The following PHF21A variants were observed in gnomAD, a reference collection of about 807,000 sequenced individuals.
The protein encoded by PHF21A is BHC80a.
A neutral mutation model predicts 82.5 loss-of-function variants in PHF21A; 11 were observed. The ratio of observed to expected loss-of-function variants is 0.13; its 90% CI spans 0.08 to 0.22. PHF21A has a LOEUF of 0.22. PHF21A is among the 10% of genes least tolerant of loss of function. PHF21A has a pLI of 1.00. For missense variants in PHF21A, 579 were observed against 837.8 expected, an observed-to-expected ratio of 0.69 and a Z score of 3.81; for synonymous variants, 297 against 302.8, an observed-to-expected ratio of 0.98 and a Z score of 0.20.
chr11:46,108,575 A>C (rs1196093395), intron 1 of PHF21A, among the ~76,000 whole-genome samples: 2 of 137,082 alleles, frequency 1.5e-5, no homozygotes, highest in Non-Finnish European at 3.3e-5. Context: ...GTGTATATAT[A>C]TATATATATA....
chr11:46,050,880 CAG>C (rs1368608699), intron 6 of PHF21A, among the ~76,000 whole-genome samples: 2 of 152,142 alleles, frequency 1.3e-5, no homozygotes, highest in Non-Finnish European at 2.9e-5. Flanking sequence ...TACTATTTGC[CAG>C]AGAGGCAGCT....
At chr11:46,019,759 T>C (rs2095593763) in intron 6 of PHF21A, among the ~76,000 whole-genome samples, 1 of 152,204 alleles carries the variant, frequency 6.6e-6, no homozygotes, top group Admixed American at 6.5e-5. Context: ...GCTTGACAGT[T>C]AAACAGTAGC....
intron 14 of PHF21A, among the ~76,000 whole-genome samples, chr11:45,946,498 C>T (rs1347243601): frequency 6.6e-6 from 1 of 152,172 alleles, no homozygotes; most frequent in African/African-American, 2.4e-5. Context: ...ATTCTCCTGC[C>T]TCAGCCTCCC....
intron 6 of PHF21A, among the ~76,000 whole-genome samples, chr11:46,062,157 C>T (rs996623791): frequency 2.0e-5 from 3 of 151,946 alleles, no homozygotes; most frequent in East Asian, 1.9e-4. Context: ...AGTTTCACCA[C>T]GTTGTGCCTT....
rs138906772 is a variant in PHF21A, at chr11:45,935,842, A to C, written c.1685-103T>G. On this transcript the variant is annotated intron_variant, in intron 17 of 18. Coordinates refer to ENST00000676320, the MANE Select transcript of PHF21A (RefSeq NM_001352027.3). ...CTGCCAAAGAAGGTATTTTCCCCAGAGCTCCCATGAGTCCTACAACCCAGT... is the reference window on the plus strand; with the variant it reads ...CTGCCAAAGAAGGTATTTTCCCCAGCGCTCCCATGAGTCCTACAACCCAGT... 1.5e-5 allele frequency: 10 copies of C among 656,760 alleles called. No homozygotes were observed. The East Asian group carries it at 2.2e-4, about 14-fold the overall frequency. 40.7% of individuals were successfully genotyped at this position (656,760 alleles called of 1,614,324 possible). A position where few individuals can be genotyped will look rare whatever the true frequency, so the allele number is the denominator to read the frequency against.
At chr11:45,975,440 T>A (rs1252635476) in intron 7 of PHF21A, among the ~76,000 whole-genome samples, 1 of 151,934 alleles carries the variant, frequency 6.6e-6, no homozygotes, top group African/African-American at 2.4e-5. Flanking sequence ...TTTAAGGGAT[T>A]ATTACTATGG....
chr11:45,949,721 C>T (rs1242048593), intron 12 of PHF21A, among the ~76,000 whole-genome samples: 1 of 152,216 alleles, frequency 6.6e-6, no homozygotes, highest in Non-Finnish European at 1.5e-5. Context: ...TAACAATAGA[C>T]AACACTTGTA....
chr11:46,026,593 T>C (rs1051207801), intron 6 of PHF21A, among the ~76,000 whole-genome samples: 6 of 152,074 alleles, frequency 3.9e-5, no homozygotes, highest in African/African-American at 9.7e-5. Flanking sequence ...TGTTTCCATA[T>C]TGAATGGCTG....
At chr11:46,090,365 G>T (rs1214279446) in intron 3 of PHF21A, 90 bp downstream of exon 3, 1 of 152,132 alleles carries the variant, frequency 6.6e-6, no homozygotes, top group African/African-American at 2.4e-5. Context: ...ATACTTAATA[G>T]AAGTGGAAGT....
chr11:45,934,035 G>A lies in PHF21A; in HGVS notation c.1979C>T (p.Thr660Met), dbSNP rs148557580. 7.3e-5 allele frequency: 117 copies of A among 1,612,942 alleles called. 1 individual carries two copies. Among genetic ancestry groups the A allele is most frequent in the East Asian group, 1.1e-4 (5 of 44,870 alleles). ...CTGGGAGGAGGGGGAAGGGGCCGGC[G>A]TGGAGGTGGCGGCATTGGCAGGGGG... ...CTPPANAATS[T>M]PAPSPSSQSC... Residue 660 changes from threonine to methionine, a missense_variant, in exon 19 of 19, where the codon ACG becomes ATG. Physicochemically the swap from Thr to Met is moderately conservative, Grantham distance 81. Coordinates refer to ENST00000676320, the MANE Select transcript of PHF21A (RefSeq NM_001352027.3).
At chr11:45,953,728 T>C in intron 10 of PHF21A, 103 bp from the exon 11 acceptor site, 1 of 710,416 alleles carries the variant, frequency 1.4e-6, no homozygotes, top group Non-Finnish European at 2.5e-6. Context: ...GAAGACAACA[T>C]ATTCAAATGT....
chr11:45,939,773 A>G (rs968001792), intron 15 of PHF21A, among the ~76,000 whole-genome samples: 2 of 64,798 alleles, frequency 3.1e-5, no homozygotes, highest in Admixed American at 2.9e-4. Context: ...ACATAGCCCA[A>G]AAAAAAAAAA....
At chr11:46,077,904 T>C (rs1463968189) in intron 5 of PHF21A, among the ~76,000 whole-genome samples, 1 of 152,180 alleles carries the variant, frequency 6.6e-6, no homozygotes, top group African/African-American at 2.4e-5. Flanking sequence ...TCCCTAAATC[T>C]AATTTATTAT....
chr11:46,033,461 G>A (rs746103000), intron 6 of PHF21A, among the ~76,000 whole-genome samples: 106 of 152,006 alleles, frequency 7.0e-4, no homozygotes, highest in Non-Finnish European at 1.3e-3. Context: ...GATGGGTTTC[G>A]CCATGTTGCC....
intron 1 of PHF21A, among the ~76,000 whole-genome samples, chr11:46,109,910 G>C (rs2097192676): frequency 6.6e-6 from 1 of 151,810 alleles, no homozygotes; most frequent in Non-Finnish European, 1.5e-5. Flanking sequence ...GAACCTAGGA[G>C]GTAGTGGTTG....
intron 1 of PHF21A, among the ~76,000 whole-genome samples, chr11:46,113,688 T>C (rs2097252365): frequency 6.6e-6 from 1 of 151,874 alleles, no homozygotes. Flanking sequence ...TAGTTGGGCG[T>C]GGTGGCGCAC....
intron 6 of PHF21A, among the ~76,000 whole-genome samples, chr11:46,032,305 GTTAT>G (rs1055833279): frequency 6.6e-6 from 1 of 151,718 alleles, no homozygotes; most frequent in African/African-American, 2.4e-5. Context: ...AATAAGCTCC[GTTAT>G]TTCTTTCTAA....
At chr11:46,078,531 T>C (rs1296776753) in intron 5 of PHF21A, among the ~76,000 whole-genome samples, 2 of 152,130 alleles carry the variant, frequency 1.3e-5, no homozygotes, top group East Asian at 1.9e-4. Context: ...GAGAATAAAA[T>C]GCCTAAGTGA....
intron 10 of PHF21A, among the ~76,000 whole-genome samples, chr11:45,959,691 T>C (rs1021675765): frequency 1.8e-4 from 27 of 152,180 alleles, no homozygotes; most frequent in Admixed American, 7.2e-4. Flanking sequence ...TCAGCAAAGT[T>C]GTAGGGTACA....
Sources: allele counts gnomAD v4.1 joint callset (sites outside exome capture counted in the v4.1 genomes callset), GRCh38; gene constraint gnomAD v4.1.1; transcripts MANE v1.5; gene names NCBI Gene and HGNC (gene_info 2026-07-23, HGNC 2026-07-21).